AP3S2: variants seen among roughly 807,000 people sequenced by gnomAD.
AP3S2 encodes the protein AP-3 complex subunit sigma-2.
AP3S2 carries 22 observed loss-of-function variants against 23.4 expected under a neutral mutation model. The ratio of observed to expected loss-of-function variants is 0.94; its 90% CI spans 0.67 to 1.34. The LOEUF is 1.34. AP3S2 is among the 40% of genes most tolerant of loss of function. The pLI is 0.00. For synonymous variants in AP3S2, 86 were observed against 87.1 expected, an observed-to-expected ratio of 0.99 and a Z score of 0.07; for missense variants, 241 against 236.9, an observed-to-expected ratio of 1.02 and a Z score of -0.11.
At chr15:89,846,421 G>C (rs1384838389) in intron 4 of AP3S2, among the ~76,000 whole-genome samples, 2 of 151,774 alleles carry the variant, frequency 1.3e-5, no homozygotes, top group Non-Finnish European at 2.9e-5. Context: ...ACAGTGGCAT[G>C]ATCTCGGCTC....
chr15:89,855,657 T>C (rs1040542969), intron 4 of AP3S2, among the ~76,000 whole-genome samples: 2 of 138,362 alleles, frequency 1.4e-5, no homozygotes, highest in African/African-American at 5.3e-5. Flanking sequence ...AAGACCAGCC[T>C]GACCAACACG....
At chr15:89,860,674 A>G (rs779329788) in intron 4 of AP3S2, among the ~76,000 whole-genome samples, 4 of 152,208 alleles carry the variant, frequency 2.6e-5, no homozygotes, top group Non-Finnish European at 5.9e-5. Context: ...ACTCTGCCCT[A>G]CAACTGGCCT....
intron 4 of AP3S2, among the ~76,000 whole-genome samples, chr15:89,856,786 T>C (rs1369816251): frequency 6.7e-6 from 1 of 148,806 alleles, no homozygotes; most frequent in Non-Finnish European, 1.5e-5. Context: ...GGCATGAGAA[T>C]TGCTTAAACC....
At chr15:89,892,591 G>A (rs1238398578) in intron 1 of AP3S2, among the ~76,000 whole-genome samples, 1 of 152,088 alleles carries the variant, frequency 6.6e-6, no homozygotes. Flanking sequence ...AAACTAGGGG[G>A]GAAATTTGCA....
rs1471814872 is a variant in AP3S2 at position 89,832,557 on chromosome 15, TG to T, written c.*2957del. On this transcript the variant is annotated 3_prime_UTR_variant, in exon 6 of 6. Transcript: ENST00000336418. ...AGGCTGGAGTGTAGTGGTGCGATCT[TG>T]GCTCACTGCAAGCTCTGCCTCCCGG... 6.7e-6 allele frequency: 1 copy of T among 149,884 alleles called. No individual in the cohort carries two copies. Among genetic ancestry groups the T allele is most frequent in the Non-Finnish European group, 1.5e-5 (1 of 67,712 alleles). The allele number at this position is 149,884 out of a possible 1,614,324, so 9.3% of individuals were successfully genotyped here.
chr15:89,868,520 G>GGGC (rs1896220074), intron 4 of AP3S2, among the ~76,000 whole-genome samples: 1 of 127,298 alleles, frequency 7.9e-6, no homozygotes, highest in Non-Finnish European at 1.7e-5. Context: ...GGGAGGTGGG[G>GGGC]GGGTCAGCCC....
intron 3 of AP3S2, among the ~76,000 whole-genome samples, chr15:89,873,291 T>C (rs909540863): frequency 4.0e-5 from 6 of 151,702 alleles, no homozygotes; most frequent in African/African-American, 1.5e-4. Context: ...GTCTTCTTTT[T>C]TTTTTTTTTT....
intron 4 of AP3S2, among the ~76,000 whole-genome samples, chr15:89,868,221 T>A (rs1387821859): frequency 2.5e-5 from 1 of 40,786 alleles, no homozygotes. Flanking sequence ...GGTGGGGGGG[T>A]CAGCCCTCCG....
chr15:89,872,177 A>G (rs1423168384), intron 3 of AP3S2, among the ~76,000 whole-genome samples: 2 of 151,998 alleles, frequency 1.3e-5, no homozygotes, highest in Non-Finnish European at 2.9e-5. Context: ...TAAAAAAACC[A>G]ACTACTTACA....
intron 1 of AP3S2, chr15:89,889,496 G>A (rs1049031144): frequency 1.3e-5 from 3 of 228,842 alleles, no homozygotes; most frequent in African/African-American, 6.8e-5. Flanking sequence ...GTCTTCCCCT[G>A]GAAAACATCT....
chr15:89,882,646 A>G (rs1047499736), intron 3 of AP3S2, among the ~76,000 whole-genome samples: 1 of 152,172 alleles, frequency 6.6e-6, no homozygotes, highest in Middle Eastern at 3.2e-3. Flanking sequence ...GGCGTGACCC[A>G]CTGTGCTTGG....
At chr15:89,843,156 G>A (rs561514865) in intron 4 of AP3S2, among the ~76,000 whole-genome samples, 7 of 151,154 alleles carry the variant, frequency 4.6e-5, no homozygotes, top group Admixed American at 4.6e-4. Flanking sequence ...GACTAATTTT[G>A]TATTTTTCGT....
intron 4 of AP3S2, among the ~76,000 whole-genome samples, chr15:89,847,074 C>T (rs1333178531): frequency 6.6e-6 from 1 of 152,106 alleles, no homozygotes; most frequent in Non-Finnish European, 1.5e-5. Flanking sequence ...AAGTTAACCT[C>T]TGCAGACAAA....
intron 4 of AP3S2, among the ~76,000 whole-genome samples, chr15:89,855,935 A>C (rs1895822076): frequency 7.8e-6 from 1 of 127,948 alleles, no homozygotes; most frequent in African/African-American, 2.9e-5. Context: ...AATAAATATG[A>C]TATGTCCTTT....
intron 5 of AP3S2, 132 bp from the exon 6 acceptor site, chr15:89,835,775 C>T: frequency 2.1e-6 from 3 of 1,397,226 alleles, no homozygotes; most frequent in East Asian, 5.0e-5. Flanking sequence ...CGCCTGTAAT[C>T]CCAGCACTTT....
rs571853860 is a variant in AP3S2 at position 89,832,992 on chromosome 15, G to A, written c.*2523C>T. 1 of 152,314 alleles carries A rather than the reference G, an allele frequency of 6.6e-6. No homozygotes were observed. Among genetic ancestry groups the A allele is most frequent in the African/African-American group, 2.4e-5 (1 of 41,556 alleles). 9.4% of individuals were successfully genotyped at this position (152,314 alleles called of 1,614,324 possible). On this transcript the variant is annotated 3_prime_UTR_variant, in exon 6 of 6. Coordinates refer to ENST00000336418, the MANE Select transcript of AP3S2 (RefSeq NM_005829.5). The stretch of plus-strand genomic sequence containing the variant: ...TGAGGGATGTTTGGATGCTCGCTTT[G>A]AATCTGTAGGACCACTCAATGATTT...
chr15:89,890,373 A>G (rs1896793266), intron 1 of AP3S2, among the ~76,000 whole-genome samples: 1 of 152,194 alleles, frequency 6.6e-6, no homozygotes, highest in South Asian at 2.1e-4. Flanking sequence ...TACTACGTGC[A>G]TAAGAAAGCT....
Position 89,833,686 on chromosome 15 carries a change from G to T in AP3S2, c.*1829C>A, listed in dbSNP as rs1399320568. 6.6e-6 allele frequency: 1 copy of T among 152,222 alleles called. No individual in the cohort carries two copies. The highest frequency in any genetic ancestry group is 1.5e-5 in the Non-Finnish European group (1 of 68,052). The allele number at this position is 152,222 out of a possible 1,614,324, so 9.4% of individuals were successfully genotyped here. ...TCAAAAGAATGACATCAGGGGTTTT[G>T]ATATCTATTCACCTACACTTCCCTC... is the stretch of plus-strand genomic sequence containing the variant. On this transcript the variant is annotated 3_prime_UTR_variant, in exon 6 of 6. Coordinates refer to ENST00000336418, the MANE Select transcript of AP3S2 (RefSeq NM_005829.5).
chr15:89,887,751 A>G (rs969591112), intron 3 of AP3S2, among the ~76,000 whole-genome samples: 2 of 152,146 alleles, frequency 1.3e-5, no homozygotes, highest in Non-Finnish European at 2.9e-5. Flanking sequence ...GCTCACTGCA[A>G]CCTCCACATC....
Sources: gnomAD v4.1 joint callset for allele counts (sites outside exome capture counted in the v4.1 genomes callset) on GRCh38, gnomAD v4.1.1 for gene constraint, MANE v1.5 for transcripts, NCBI Gene and HGNC (gene_info 2026-07-23, HGNC 2026-07-21) for gene names.